The following GLCE variants were observed in gnomAD, a reference collection of about 807,000 sequenced individuals.
GLCE encodes D-glucuronyl C5-epimerase.
Under a neutral mutation model 47.9 loss-of-function variants are expected in GLCE, and 19 were observed. The observed-to-expected ratio is 0.40, with a 90% CI of 0.28 to 0.58. GLCE has a LOEUF of 0.58. Among genes scored for constraint, GLCE ranks in the 20% least tolerant of loss-of-function variants. The pLI is 0.48. For synonymous variants in GLCE, 245 were observed against 263.4 expected (o/e 0.93, Z 0.68); for missense variants, 556 against 743.3 (o/e 0.75, Z 2.93).
chr15:69,233,920 C>G (rs976755519), intron 2 of GLCE, among the ~76,000 whole-genome samples: 2 of 151,636 alleles, frequency 1.3e-5, no homozygotes, highest in South Asian at 4.2e-4. Flanking sequence ...AAAACTCATA[C>G]ATACATACAT....
intron 1 of GLCE, chr15:69,197,060 A>G (rs2052004998): frequency 3.0e-6 from 1 of 330,114 alleles, no homozygotes; most frequent in South Asian, 2.9e-5. Flanking sequence ...TACATCTGAG[A>G]AGTATGCTCA....
Position 69,268,324 on chromosome 15 carries a change from A to T in GLCE, c.934A>T (p.Thr312Ser). ...TNGSVSVVLE[T>S]TEKNQLFTIH... ...TGGAAGTGTGTCCGTGGTTCTAGAG[A>T]CCACAGAAAAGAATCAGCTCTTCAC... Residue 312 changes from threonine to serine, a missense_variant, in exon 5 of 5, where the codon ACC becomes TCC. Thr to Ser is a moderately conservative substitution (Grantham distance 58). This residue lies in a region of GLCE where 74 missense variants were observed against 64.4 expected (regional missense o/e 1.15). Transcript: ENST00000261858. 1.9e-6 allele frequency: 3 copies of T among 1,613,580 alleles called. No individual in the cohort carries two copies. The highest frequency in any genetic ancestry group is 2.5e-6 in the Non-Finnish European group (3 of 1,179,482).
At chr15:69,182,298 T>TGTGTGTGTGAGAGA (rs1446237319) in intron 1 of GLCE, among the ~76,000 whole-genome samples, 3 of 145,816 alleles carry the variant, frequency 2.1e-5, no homozygotes, top group African/African-American at 7.6e-5. Flanking sequence ...TGTGTGTGTG[T>TGTGTGTGTGAGAGA]GAGAGAGAGA....
At chr15:69,219,587 G>A (rs914444797) in intron 2 of GLCE, among the ~76,000 whole-genome samples, 1 of 152,072 alleles carries the variant, frequency 6.6e-6, no homozygotes, top group Non-Finnish European at 1.5e-5. Flanking sequence ...AGAACTAGTT[G>A]TGTGACTTTG....
At chr15:69,251,517 T>G (rs1178728124) in intron 2 of GLCE, among the ~76,000 whole-genome samples, 2 of 152,206 alleles carry the variant, frequency 1.3e-5, no homozygotes, top group Non-Finnish European at 2.9e-5. Flanking sequence ...AATGCTAATT[T>G]TCTTATTTTT....
At chr15:69,246,774 G>T (rs1306661384) in intron 2 of GLCE, among the ~76,000 whole-genome samples, 1 of 151,640 alleles carries the variant, frequency 6.6e-6, no homozygotes, top group African/African-American at 2.4e-5. Flanking sequence ...ATGGGCTTCA[G>T]AATGAATGTT....
At chr15:69,214,077 A>G (rs1198727531) in intron 2 of GLCE, among the ~76,000 whole-genome samples, 1 of 151,636 alleles carries the variant, frequency 6.6e-6, no homozygotes, top group African/African-American at 2.4e-5. Context: ...CTCATCTTGT[A>G]TTTTCCCTGC....
At chr15:69,169,085 A>G (rs1034308137) in intron 1 of GLCE, among the ~76,000 whole-genome samples, 2 of 152,226 alleles carry the variant, frequency 1.3e-5, no homozygotes, top group African/African-American at 4.8e-5. Context: ...TGAAATTCAT[A>G]TAAGTGGAAT....
At chr15:69,237,173 C>T (rs2052604099) in intron 2 of GLCE, among the ~76,000 whole-genome samples, 2 of 152,282 alleles carry the variant, frequency 1.3e-5, no homozygotes, top group South Asian at 4.1e-4. Context: ...ACCAGATTAT[C>T]CTTACATGTT....
intron 2 of GLCE, among the ~76,000 whole-genome samples, chr15:69,250,541 T>C (rs2052825489): frequency 6.6e-6 from 1 of 152,020 alleles, no homozygotes; most frequent in Admixed American, 6.6e-5. Context: ...AGGATCTCGC[T>C]GTGTTGCCCA....
At chr15:69,261,031 G>A in intron 3 of GLCE, 56 bp from the exon 4 acceptor site, 1 of 1,520,456 alleles carries the variant, frequency 6.6e-7, no homozygotes, top group Non-Finnish European at 9.0e-7. Context: ...AATGGTATTA[G>A]GAATAGGCTT....
At position 69,210,382 on chromosome 15, in the gene GLCE, G is replaced by A. The variant is rs1193432906; in HGVS notation, c.-38G>A. 1.3e-5 allele frequency: 2 copies of A among 152,066 alleles called. No individual in the cohort carries two copies. Among genetic ancestry groups the A allele is most frequent in the Non-Finnish European group, 2.9e-5 (2 of 67,984 alleles). 9.4% of individuals were successfully genotyped at this position (152,066 alleles called of 1,614,324 possible). A position where few individuals can be genotyped will look rare whatever the true frequency, so the allele number is the denominator to read the frequency against. ...GAATTGAAACCAGAGATGTTCTAGA[G>A]TTTAGATTCTTTCATTTGATTAAGG... On this transcript the variant is annotated 5_prime_UTR_variant, in exon 2 of 5. Coordinates refer to ENST00000261858, the MANE Select transcript of GLCE (RefSeq NM_015554.3).
chr15:69,197,149 C>A (rs2052006331), intron 1 of GLCE: 1 of 389,154 alleles, frequency 2.6e-6, no homozygotes, highest in Non-Finnish European at 5.1e-6. Flanking sequence ...TCCTTCGGCA[C>A]AACAATGCCT....
intron 1 of GLCE, among the ~76,000 whole-genome samples, chr15:69,162,746 T>G (rs1226447115): frequency 6.6e-6 from 1 of 152,176 alleles, no homozygotes; most frequent in African/African-American, 2.4e-5. Context: ...CTAATTTTAT[T>G]TATTTATTTA....
chr15:69,171,012 G>GACAGCTTT lies in GLCE; in HGVS notation c.-105+10259_-105+10260insCTTTACAG, dbSNP rs549254967. On this transcript the variant is annotated intron_variant, in intron 1 of 4. Transcript: ENST00000261858. Reference sequence around the variant, plus strand: ...TAAGCATTTTAGGATTCATTTGCTTGACAGTTACAGTTTTTGCAGAATTCC... The same window carrying GACAGCTTT: ...TAAGCATTTTAGGATTCATTTGCTTGACAGCTTTACAGTTACAGTTTTTGCAGAATTCC... Among the ~76,000 whole-genome samples, 65 of 152,308 alleles carry GACAGCTTT rather than the reference G, an allele frequency of 4.3e-4. No individual in the cohort carries two copies. In the East Asian group the frequency reaches 8.9e-3, roughly 21 times the overall value.
chr15:69,257,608 G>A (rs2052945261), intron 3 of GLCE, among the ~76,000 whole-genome samples: 1 of 152,178 alleles, frequency 6.6e-6, no homozygotes, highest in Admixed American at 6.5e-5. Context: ...GCCTCCCAAA[G>A]TGCTGGAATC....
rs148023337 is a variant in GLCE, at chr15:69,182,385, AAG to A, written c.-105+21649_-105+21650del. Among the ~76,000 whole-genome samples, 283 of 143,424 alleles carry A rather than the reference AAG, an allele frequency of 2.0e-3. 1 individual carries two copies. Among genetic ancestry groups the A allele is most frequent in the African/African-American group, 4.5e-3 (174 of 39,086 alleles). The allele number at this position is 143,424 out of a possible 152,430, so 94.1% of individuals were successfully genotyped here. On this transcript the variant is annotated intron_variant, in intron 1 of 4. Coordinates refer to ENST00000261858, the MANE Select transcript of GLCE (RefSeq NM_015554.3). The stretch of plus-strand genomic sequence containing the variant: ...CAGAATAGGCAGAAAATTGCGCTGA[AAG>A]AGAGAGAGAGAGAGAGAGAGTCCAT...
At position 69,255,848 on chromosome 15, in the gene GLCE, T is replaced by A. The variant is rs1332920818; in HGVS notation, c.42T>A (p.Ile14=). ...CTCGGGTCAACTATAAGACTTTGAT[T>A]ATTATCTGCGCACTCTTCACTTTGG... The part of the protein sequence containing the change: ...LAARVNYKTL[I]IICALFTLVT... The change falls in exon 3 of 5, where the codon ATT becomes ATA. Residue 14 remains isoleucine (I), a synonymous_variant. Coordinates refer to ENST00000261858, the MANE Select transcript of GLCE (RefSeq NM_015554.3). The A allele has an allele frequency of 6.2e-7, 1 of 1,613,780 alleles. No homozygotes were observed. The highest frequency in any genetic ancestry group is 1.7e-5 in the Admixed American group (1 of 59,988).
intron 2 of GLCE, among the ~76,000 whole-genome samples, chr15:69,241,823 A>G (rs2052675375): frequency 6.6e-6 from 1 of 152,196 alleles, no homozygotes; most frequent in African/African-American, 2.4e-5. Context: ...TCTAATGCCC[A>G]GTGAAATTTA....
Sources: allele counts gnomAD v4.1 joint callset (sites outside exome capture counted in the v4.1 genomes callset), GRCh38; gene constraint gnomAD v4.1.1; regional missense constraint gnomAD v4.1.1; transcripts MANE v1.5; gene names NCBI Gene and HGNC (gene_info 2026-07-23, HGNC 2026-07-21).